The following LCOR variants were observed in gnomAD, a reference collection of about 807,000 sequenced individuals.
LCOR encodes ligand-dependent corepressor.
Under a neutral mutation model 64.4 loss-of-function variants are expected in LCOR, and 14 were observed. The ratio of observed to expected loss-of-function variants is 0.22; its 90% CI spans 0.14 to 0.34. The LOEUF is 0.34. Among genes scored for constraint, LCOR ranks in the 10% least tolerant of loss-of-function variants. The pLI, the probability that LCOR is intolerant of heterozygous loss-of-function variation, is 1.00. For missense variants in LCOR, 1,686 were observed against 1,765.3 expected (o/e 0.96, Z 0.80); for synonymous variants, 643 against 642.5 (o/e 1.00, Z -0.01).
intron 2 of LCOR, among the ~76,000 whole-genome samples, chr10:96,894,193 A>G (rs954066295): frequency 6.6e-6 from 1 of 152,096 alleles, no homozygotes; most frequent in Admixed American, 6.6e-5. Flanking sequence ...CTGGGTCCAC[A>G]CCATTCTCCT....
chr10:96,955,007 G>C, intron 7 of LCOR: 1 of 1,613,940 alleles, frequency 6.2e-7, no homozygotes, highest in Non-Finnish European at 8.5e-7. Flanking sequence ...GTGGTGATGG[G>C]GTACCTCCAA....
rs1456623977 is a variant in LCOR at position 96,832,447 on chromosome 10, C to T, written c.-404+48C>T. On this transcript the variant is annotated intron_variant, in intron 1 of 7. Transcript: ENST00000421806. ...GCCGCCCCTCCGGCCGCCCCGCCGCCGGTCGCCCCAGACCAGGGAGGAAGC... is the reference window on the plus strand; with the variant it reads ...GCCGCCCCTCCGGCCGCCCCGCCGCTGGTCGCCCCAGACCAGGGAGGAAGC... 2.0e-5 allele frequency: 16 copies of T among 784,632 alleles called. No individual in the cohort carries two copies. The South Asian group carries it at 8.4e-4, about 41-fold the overall frequency. 48.6% of individuals were successfully genotyped at this position (784,632 alleles called of 1,614,324 possible). A position where few individuals can be genotyped will look rare whatever the true frequency, so the allele number is the denominator to read the frequency against.
intron 2 of LCOR, among the ~76,000 whole-genome samples, chr10:96,837,184 G>T (rs975651051): frequency 6.6e-6 from 1 of 152,142 alleles, no homozygotes; most frequent in Admixed American, 6.6e-5. Flanking sequence ...TAGAGACGGG[G>T]TTTCACCGTG....
At position 96,992,808 on chromosome 10, in the gene LCOR, C is replaced by T. The variant is rs960039237; in HGVS notation, c.*7674C>T. ...CTAGAGAAAGCATTAAGGTGTATTT[C>T]CAGTTCCCCTTTCATGTTGGTGAAA... On this transcript the variant is annotated 3_prime_UTR_variant, in exon 8 of 8. Coordinates refer to ENST00000421806, the MANE Select transcript of LCOR (RefSeq NM_001346516.2). 1 of 152,218 alleles carries T rather than the reference C, an allele frequency of 6.6e-6. No homozygotes were observed. Among genetic ancestry groups the T allele is most frequent in the Non-Finnish European group, 1.5e-5 (1 of 68,038 alleles). The allele number at this position is 152,218 out of a possible 1,614,324, so 9.4% of individuals were successfully genotyped here.
intron 2 of LCOR, among the ~76,000 whole-genome samples, chr10:96,857,942 G>C (rs1319281330): frequency 1.3e-5 from 2 of 152,288 alleles, no homozygotes; most frequent in East Asian, 3.9e-4. Flanking sequence ...CCATAAAATA[G>C]CTCACTCTTT....
chr10:96,961,356 ATATTAT>A, intron 7 of LCOR: 1 of 152,184 alleles, frequency 6.6e-6, no homozygotes, highest in South Asian at 2.1e-4. Flanking sequence ...GATATAGCAA[ATATTAT>A]TATAATATTT....
intron 6 of LCOR, among the ~76,000 whole-genome samples, chr10:96,951,401 A>G (rs1476267469): frequency 6.6e-6 from 1 of 152,026 alleles, no homozygotes; most frequent in Non-Finnish European, 1.5e-5. Context: ...TTGTCTTCTT[A>G]ATTGAAAAAT....
intron 7 of LCOR, among the ~76,000 whole-genome samples, chr10:96,968,613 G>T (rs1361183314): frequency 6.6e-6 from 1 of 152,126 alleles, no homozygotes; most frequent in Non-Finnish European, 1.5e-5. Context: ...GGAGAGGAGA[G>T]AATACCCCAA....
chr10:96,857,687 G>A (rs1029421083), intron 2 of LCOR, among the ~76,000 whole-genome samples: 15 of 152,028 alleles, frequency 9.9e-5, no homozygotes, highest in Admixed American at 5.9e-4. Flanking sequence ...TCAAAGTATC[G>A]ATCGCTTGAA....
intron 2 of LCOR, among the ~76,000 whole-genome samples, chr10:96,860,609 C>G (rs1589611608): frequency 6.6e-6 from 1 of 152,172 alleles, no homozygotes; most frequent in African/African-American, 2.4e-5. Flanking sequence ...TCCTAGAAAG[C>G]TAATACAGAC....
chr10:96,842,771 C>T (rs1845563751), intron 2 of LCOR, among the ~76,000 whole-genome samples: 1 of 151,914 alleles, frequency 6.6e-6, no homozygotes, highest in Non-Finnish European at 1.5e-5. Context: ...GCCGGGATTA[C>T]AGGCATATGC....
intron 2 of LCOR, among the ~76,000 whole-genome samples, chr10:96,845,675 G>A (rs1845617282): frequency 6.6e-6 from 1 of 150,824 alleles, no homozygotes; most frequent in South Asian, 2.1e-4. Context: ...CACCGTGTTA[G>A]CCAGGATGAT....
At chr10:96,834,981 A>G (rs572405780) in intron 2 of LCOR, among the ~76,000 whole-genome samples, 24 of 152,160 alleles carry the variant, frequency 1.6e-4, no homozygotes, top group African/African-American at 5.5e-4. Context: ...GCTCACTGCA[A>G]CCTCCGCCTC....
intron 2 of LCOR, among the ~76,000 whole-genome samples, chr10:96,888,638 A>G (rs2134429279): frequency 6.6e-6 from 1 of 152,308 alleles, no homozygotes; most frequent in South Asian, 2.1e-4. Flanking sequence ...AGTGCAAAAT[A>G]GACTGATGGA....
At chr10:96,873,369 A>G (rs1308942909) in intron 2 of LCOR, among the ~76,000 whole-genome samples, 1 of 152,078 alleles carries the variant, frequency 6.6e-6, no homozygotes, top group Non-Finnish European at 1.5e-5. Context: ...AGGTGAGGAA[A>G]TTAGTATTCT....
intron 2 of LCOR, among the ~76,000 whole-genome samples, chr10:96,835,187 C>A (rs1446369949): frequency 6.6e-6 from 1 of 150,618 alleles, no homozygotes; most frequent in East Asian, 1.9e-4. Context: ...GGCGTGAGAG[C>A]CACTGTGCCC....
At chr10:96,899,504 T>C (rs1452893981) in intron 2 of LCOR, among the ~76,000 whole-genome samples, 1 of 152,160 alleles carries the variant, frequency 6.6e-6, no homozygotes, top group Non-Finnish European at 1.5e-5. Flanking sequence ...GTTCACTTTA[T>C]TTAAATTTAT....
chr10:96,966,292 G>A (rs1225356429), intron 7 of LCOR, among the ~76,000 whole-genome samples: 1 of 137,776 alleles, frequency 7.3e-6, no homozygotes, highest in Non-Finnish European at 1.5e-5. Flanking sequence ...GCAGTGGCGC[G>A]ATCTCGGCTC....
In LCOR at chr10:96,989,569, G is replaced by T. The variant is rs1338501743; in HGVS notation, c.*4435G>T. On this transcript the variant is annotated 3_prime_UTR_variant, in exon 8 of 8. Coordinates refer to ENST00000421806, the MANE Select transcript of LCOR (RefSeq NM_001346516.2). ...GTAAGCCAACAAATAAAACATAGAG[G>T]CTTTTGAAGTGCTTTAATATTGATT... is the stretch of plus-strand genomic sequence containing the variant. 1 of 149,766 alleles carries T rather than the reference G, an allele frequency of 6.7e-6. No homozygotes were observed. The highest frequency in any genetic ancestry group is 1.5e-5 in the Non-Finnish European group (1 of 67,726). 9.3% of individuals were successfully genotyped at this position (149,766 alleles called of 1,614,324 possible).
Sources: gnomAD v4.1 joint callset for allele counts (sites outside exome capture counted in the v4.1 genomes callset) on GRCh38, gnomAD v4.1.1 for gene constraint, MANE v1.5 for transcripts, NCBI Gene and HGNC (gene_info 2026-07-23, HGNC 2026-07-21) for gene names.